PPP1R42: variants seen among roughly 807,000 people sequenced by gnomAD.
The protein encoded by PPP1R42 is leucine rich repeat containing 67.
A neutral mutation model predicts 31.0 loss-of-function variants in PPP1R42; 34 were observed. That is an observed-to-expected ratio of 1.10 (90% CI 0.83 to 1.46). PPP1R42 has a LOEUF of 1.46. PPP1R42 is among the 40% of genes most tolerant of loss of function. The pLI, the probability that PPP1R42 is intolerant of heterozygous loss-of-function variation, is 0.00. For missense variants in PPP1R42, 268 were observed against 303.0 expected (o/e 0.88, Z 0.86); for synonymous variants, 103 against 109.8 (o/e 0.94, Z 0.39).
chr8:66,988,750 G>T (rs1815102297), intron 5 of PPP1R42, among the ~76,000 whole-genome samples: 1 of 152,164 alleles, frequency 6.6e-6, no homozygotes, highest in South Asian at 2.1e-4. Context: ...CCACACAACT[G>T]TTCTCTGTCA....
At chr8:66,986,591 C>G (rs1365034496) in intron 6 of PPP1R42, among the ~76,000 whole-genome samples, 1 of 152,178 alleles carries the variant, frequency 6.6e-6, no homozygotes, top group Non-Finnish European at 1.5e-5. Flanking sequence ...GCGCATGCGT[C>G]GCAGAACCGA....
intron 1 of PPP1R42, chr8:67,026,782 T>C (rs747719594): frequency 1.3e-5 from 2 of 152,166 alleles, no homozygotes; most frequent in Non-Finnish European, 2.9e-5. Flanking sequence ...TGGTGAGCTG[T>C]GATTGCGCCA....
chr8:66,999,600 T>C (rs180897770), intron 5 of PPP1R42, among the ~76,000 whole-genome samples: 1 of 152,346 alleles, frequency 6.6e-6, no homozygotes, highest in African/African-American at 2.4e-5. Context: ...TCTGCTCAGC[T>C]TGGCCTCCTG....
At chr8:67,025,637 A>AATGTGGC (rs972789990) in intron 1 of PPP1R42, among the ~76,000 whole-genome samples, 3 of 151,908 alleles carry the variant, frequency 2.0e-5, no homozygotes, top group African/African-American at 7.3e-5. Context: ...ATACAAGTTT[A>AATGTGGC]ATGTGGCATG....
chr8:66,974,399 G>A (rs764881168), intron 7 of PPP1R42, among the ~76,000 whole-genome samples: 28 of 152,108 alleles, frequency 1.8e-4, no homozygotes, highest in South Asian at 4.1e-4. Flanking sequence ...TACTGAAATT[G>A]CAAAATTAGC....
rs551593336 is a variant in PPP1R42, at chr8:67,013,783, G to A, written c.296+643C>T. Among the ~76,000 whole-genome samples the A allele has an allele frequency of 7.1e-4, 108 of 152,230 alleles. 1 individual carries two copies. Among genetic ancestry groups the A allele is most frequent in the Admixed American group, 1.4e-3 (22 of 15,294 alleles). ...CCTAACCCCTGGAGATTCTAATTTGGATATGTAGGTTGGAACCCAGTGCTC... is the reference window on the plus strand; with the variant it reads ...CCTAACCCCTGGAGATTCTAATTTGAATATGTAGGTTGGAACCCAGTGCTC... On this transcript the variant is annotated intron_variant, in intron 3 of 7. Coordinates refer to ENST00000685739, the MANE Select transcript of PPP1R42 (RefSeq NM_001364910.1).
At chr8:66,988,144 A>G (rs1411099039) in intron 6 of PPP1R42, 3 of 1,087,656 alleles carry the variant, frequency 2.8e-6, no homozygotes, top group African/African-American at 1.6e-5. Context: ...ATGACTAACC[A>G]TTTTTATTGG....
rs867413143 is a variant in PPP1R42, at chr8:67,013,007, G to A, written c.386C>T (p.Pro129Leu). 6.2e-7 allele frequency: 1 copy of A among 1,612,018 alleles called. No individual in the cohort carries two copies. Among genetic ancestry groups the A allele is most frequent in the South Asian group, 1.1e-5 (1 of 90,436 alleles). The change falls in exon 4 of 8, where the codon CCC becomes CTC. Residue 129 changes from proline to leucine, a missense_variant. Coordinates refer to ENST00000685739, the MANE Select transcript of PPP1R42 (RefSeq NM_001364910.1). ...ATCAAACAGAAGCTTTTCCCCAAGG[G>A]GAAGCCTCTGATTCTCAACATGAAG... ...RELHVENQRL[P>L]LGEKLLFDPR...
chr8:66,976,831 A>G (rs372796906), intron 7 of PPP1R42, among the ~76,000 whole-genome samples: 195 of 152,196 alleles, frequency 1.3e-3, no homozygotes, highest in African/African-American at 4.5e-3. Context: ...GCAATTCTGT[A>G]TCTTGGCTAT....
At chr8:66,969,960 C>T (rs1021809186) in intron 7 of PPP1R42, among the ~76,000 whole-genome samples, 5 of 152,116 alleles carry the variant, frequency 3.3e-5, no homozygotes, top group Admixed American at 3.3e-4. Flanking sequence ...AAGCCCATAG[C>T]ATTTATCACA....
intron 5 of PPP1R42, among the ~76,000 whole-genome samples, chr8:66,990,092 C>G (rs1327140278): frequency 2.6e-5 from 4 of 152,144 alleles, no homozygotes; most frequent in Admixed American, 6.6e-5. Flanking sequence ...GCCTTCAGTT[C>G]TGGGCTCTGG....
chr8:67,026,551 A>G (rs1393346186), intron 1 of PPP1R42, among the ~76,000 whole-genome samples: 1 of 151,806 alleles, frequency 6.6e-6, no homozygotes, highest in African/African-American at 2.4e-5. Context: ...AAGAAAAAGA[A>G]CAGGCAGGGT....
intron 5 of PPP1R42, among the ~76,000 whole-genome samples, chr8:66,992,478 A>G (rs898861787): frequency 6.6e-6 from 1 of 152,140 alleles, no homozygotes; most frequent in African/African-American, 2.4e-5. Flanking sequence ...ATGCTGTAAG[A>G]ACATCTATGC....
chr8:66,966,125 T>C (rs1814374246), intron 7 of PPP1R42, among the ~76,000 whole-genome samples: 1 of 152,180 alleles, frequency 6.6e-6, no homozygotes, highest in South Asian at 2.1e-4. Context: ...AATCAGATGA[T>C]TTCATAATCG....
chr8:66,971,033 C>G, intron 7 of PPP1R42: 1 of 1,531,488 alleles, frequency 6.5e-7, no homozygotes, highest in Non-Finnish European at 8.7e-7. Flanking sequence ...TCTGGAGATG[C>G]ATTTGCATTT....
chr8:66,965,444 CTT>C (rs113305646), intron 7 of PPP1R42, among the ~76,000 whole-genome samples: 11 of 139,144 alleles, frequency 7.9e-5, no homozygotes, highest in Non-Finnish European at 7.8e-5. Context: ...CTTCTTTTTT[CTT>C]TTTTTTTTTT....
chr8:66,964,264 T>C lies in PPP1R42; in HGVS notation c.*57A>G. ...AACAAATTTTCTTTTTCTTCTGGGT[T>C]ATGGAAGAGGTGAGGTTCATGCACA... is the stretch of plus-strand genomic sequence containing the variant. On this transcript the variant is annotated 3_prime_UTR_variant, in exon 8 of 8. Transcript: ENST00000685739. 8.0e-7 allele frequency: 1 copy of C among 1,245,168 alleles called. No individual in the cohort carries two copies. The allele number at this position is 1,245,168 out of a possible 1,614,324, so 77.1% of individuals were successfully genotyped here. A position where few individuals can be genotyped will look rare whatever the true frequency, so the allele number is the denominator to read the frequency against.
intron 6 of PPP1R42, among the ~76,000 whole-genome samples, chr8:66,986,377 A>C (rs1177398579): frequency 6.6e-6 from 1 of 152,146 alleles, no homozygotes; most frequent in Non-Finnish European, 1.5e-5. Flanking sequence ...GAATAGCTCA[A>C]ATGGGACTCA....
At chr8:66,970,116 T>G (rs1814499528) in intron 7 of PPP1R42, among the ~76,000 whole-genome samples, 1 of 152,070 alleles carries the variant, frequency 6.6e-6, no homozygotes, top group African/African-American at 2.4e-5. Context: ...TGAAATTACT[T>G]TCTGGTATGG....
Sources: gnomAD v4.1 joint callset for allele counts (sites outside exome capture counted in the v4.1 genomes callset) on GRCh38, gnomAD v4.1.1 for gene constraint, MANE v1.5 for transcripts, NCBI Gene and HGNC (gene_info 2026-07-23, HGNC 2026-07-21) for gene names.